Variants in TMEM232 observed in about 807,000 individuals in gnomAD.
TMEM232 encodes the protein transmembrane protein 232.
TMEM232 carries 80 observed loss-of-function variants against 78.8 expected under a neutral mutation model. That is an observed-to-expected ratio of 1.01 (90% CI 0.85 to 1.22). The LOEUF (loss-of-function observed/expected upper bound fraction) is 1.22. Ranked by LOEUF, TMEM232 falls within the 50% of genes most tolerant of loss-of-function variation. The pLI is 0.00. For synonymous variants in TMEM232, 297 were observed against 254.3 expected (o/e 1.17, Z -1.60); for missense variants, 881 against 742.2 (o/e 1.19, Z -2.17).
upstream of TMEM232, among the ~76,000 whole-genome samples, chr5:110,731,178 C>T (rs780495493): frequency 2.6e-5 from 4 of 152,208 alleles, no homozygotes; most frequent in Non-Finnish European, 5.9e-5. Flanking sequence ...CCAGGTCTCA[C>T]CTCCAGGTCA....
chr5:110,657,309 T>C (rs991952339), intron 2 of TMEM232, among the ~76,000 whole-genome samples: 2 of 152,176 alleles, frequency 1.3e-5, no homozygotes, highest in Non-Finnish European at 2.9e-5. Flanking sequence ...CCATGTTTAT[T>C]GTAGCACTAT....
At chr5:110,452,608 T>C (rs1760437687) in intron 12 of TMEM232, among the ~76,000 whole-genome samples, 1 of 152,138 alleles carries the variant, frequency 6.6e-6, no homozygotes. Flanking sequence ...AGCAGATTCT[T>C]AAAATGTGTC....
chr5:110,463,569 T>A (rs1761761298), intron 12 of TMEM232, among the ~76,000 whole-genome samples: 2 of 152,226 alleles, frequency 1.3e-5, no homozygotes, highest in African/African-American at 4.8e-5. Context: ...CCTAAATATA[T>A]TATTCTTAAT....
chr5:110,459,960 T>C (rs1225687915), intron 12 of TMEM232, among the ~76,000 whole-genome samples: 3 of 152,126 alleles, frequency 2.0e-5, no homozygotes, highest in Non-Finnish European at 2.9e-5. Flanking sequence ...CTGTAAAAAA[T>C]GTCAAGATTA....
At chr5:110,654,864 G>A (rs905080740) in intron 2 of TMEM232, among the ~76,000 whole-genome samples, 6 of 152,024 alleles carry the variant, frequency 3.9e-5, no homozygotes, top group African/African-American at 7.2e-5. Flanking sequence ...GGCCCTTCAC[G>A]TCCCTTGTAA....
chr5:110,711,888 C>T (rs867638183), intron 1 of TMEM232, among the ~76,000 whole-genome samples: 7 of 151,994 alleles, frequency 4.6e-5, no homozygotes, highest in African/African-American at 1.4e-4. Flanking sequence ...GGGCAGATCA[C>T]GAAGTCAGGA....
chr5:110,636,022 A>G (rs1165232759), intron 5 of TMEM232, among the ~76,000 whole-genome samples: 1 of 152,080 alleles, frequency 6.6e-6, no homozygotes, highest in African/African-American at 2.4e-5. Context: ...GTAAGTATCC[A>G]TTAATGGGTG....
chr5:110,587,687 ATATATGTGTGTGTGTGTGTGTGTG>A (rs1247132315), intron 10 of TMEM232, among the ~76,000 whole-genome samples: 14 of 78,206 alleles, frequency 1.8e-4, no homozygotes, highest in African/African-American at 1.0e-3. Context: ...ATATATATAT[ATATATGTGTGTGTGTGTGTGTGTG>A]TGTGTGTGTG....
chr5:110,432,323 C>T (rs750059494), intron 12 of TMEM232, among the ~76,000 whole-genome samples: 1 of 151,612 alleles, frequency 6.6e-6, no homozygotes, highest in Admixed American at 6.6e-5. Context: ...TATTGGGGGC[C>T]CACATTTAGC....
chr5:110,580,432 T>C (rs1254441039), intron 10 of TMEM232, among the ~76,000 whole-genome samples: 2 of 151,700 alleles, frequency 1.3e-5, no homozygotes, highest in Admixed American at 6.6e-5. Flanking sequence ...ACCCTAGGTA[T>C]TTAGTAGGCT....
intron 12 of TMEM232, among the ~76,000 whole-genome samples, chr5:110,496,676 G>C (rs1580934809): frequency 6.6e-6 from 1 of 151,980 alleles, no homozygotes; most frequent in Non-Finnish European, 1.5e-5. Context: ...CTCATAAGGA[G>C]AAACAGATAC....
chr5:110,688,110 T>C (rs1223253373), intron 1 of TMEM232, among the ~76,000 whole-genome samples: 1 of 152,060 alleles, frequency 6.6e-6, no homozygotes, highest in Non-Finnish European at 1.5e-5. Context: ...TGTGTGTGTG[T>C]GTGTGTGTGT....
chr5:110,552,462 T>C (rs1279144937), intron 11 of TMEM232, among the ~76,000 whole-genome samples: 1 of 152,104 alleles, frequency 6.6e-6, no homozygotes, highest in African/African-American at 2.4e-5. Context: ...TTTCAACTAT[T>C]GTGGTTAAAA....
intron 2 of TMEM232, among the ~76,000 whole-genome samples, chr5:110,651,491 A>G (rs952104312): frequency 6.6e-6 from 1 of 151,746 alleles, no homozygotes; most frequent in African/African-American, 2.4e-5. Flanking sequence ...AGGGAGGGAA[A>G]GAACATAAAG....
In TMEM232 at chr5:110,625,303, T is replaced by C. The variant is rs1032874553; in HGVS notation, c.732A>G (p.Glu244=). ...LRSESIFRPV[E]DKKRYENTDS... ...CTGTGTTCTCATATCTTTTCTTATCTTCCACAGGTCTAAAAATGGATTCAG... is the reference window on the plus strand; with the variant it reads ...CTGTGTTCTCATATCTTTTCTTATCCTCCACAGGTCTAAAAATGGATTCAG... The change falls in exon 7 of 14, where the codon GAA becomes GAG. Residue 244 remains glutamate (E), a synonymous_variant. Transcript: ENST00000455884. 4.5e-6 allele frequency: 7 copies of C among 1,544,426 alleles called. No homozygotes were observed. Among genetic ancestry groups the C allele is most frequent in the Non-Finnish European group, 6.1e-6 (7 of 1,143,708 alleles).
intron 12 of TMEM232, among the ~76,000 whole-genome samples, chr5:110,433,842 G>A (rs1178329547): frequency 1.3e-5 from 2 of 151,990 alleles, no homozygotes; most frequent in Non-Finnish European, 2.9e-5. Flanking sequence ...CTTGATCATG[G>A]TGAATTAACA....
At chr5:110,417,209 A>C (rs899040826), downstream of TMEM232, among the ~76,000 whole-genome samples, 13 of 152,330 alleles carry the variant, frequency 8.5e-5, no homozygotes, top group Admixed American at 8.5e-4. Context: ...ATAGAACTTT[A>C]GACCTGAGAT....
chr5:110,729,168 A>T (rs1243196824), upstream of TMEM232, among the ~76,000 whole-genome samples: 2 of 152,170 alleles, frequency 1.3e-5, no homozygotes, highest in African/African-American at 4.8e-5. Flanking sequence ...TAAAGGCGTG[A>T]GCCACCGTGC....
At chr5:110,735,240 T>G (rs1010354903) in intron 1 of TMEM232, among the ~76,000 whole-genome samples, 1 of 152,234 alleles carries the variant, frequency 6.6e-6, no homozygotes, top group Non-Finnish European at 1.5e-5. Context: ...CACTTTTGTT[T>G]GGTAGGACCA....
Sources: gnomAD v4.1 joint callset for allele counts (sites outside exome capture counted in the v4.1 genomes callset) on GRCh38, gnomAD v4.1.1 for gene constraint, MANE v1.5 for transcripts, NCBI Gene and HGNC (gene_info 2026-07-23, HGNC 2026-07-21) for gene names.